Variants in MAD1L1 observed in about 807,000 individuals in gnomAD.
The protein encoded by MAD1L1 is mitotic spindle assembly checkpoint protein MAD1.
Under a neutral mutation model 96.9 loss-of-function variants are expected in MAD1L1, and 95 were observed. The observed-to-expected ratio is 0.98, with a 90% CI of 0.83 to 1.16. MAD1L1 has a LOEUF of 1.16. MAD1L1 is among the 50% of genes most tolerant of loss of function. The pLI is 0.00. For synonymous variants in MAD1L1, 473 were observed against 396.6 expected (o/e 1.19, Z -2.29); for missense variants, 1,007 against 954.4 (o/e 1.06, Z -0.73).
At chr7:2,058,987 C>A (rs1299151588) in intron 12 of MAD1L1, among the ~76,000 whole-genome samples, 3 of 84,548 alleles carry the variant, frequency 3.5e-5, no homozygotes, top group Admixed American at 1.2e-4. Context: ...AGGGGAGAGG[C>A]GCAGGGCTGG....
At chr7:2,227,704 C>G (rs1793974263) in intron 3 of MAD1L1, among the ~76,000 whole-genome samples, 4 of 152,224 alleles carry the variant, frequency 2.6e-5, no homozygotes, top group African/African-American at 9.7e-5. Flanking sequence ...TTCTCAGCTG[C>G]TGCTGTTTGG....
chr7:2,063,717 G>A (rs960563223), intron 12 of MAD1L1, among the ~76,000 whole-genome samples: 16 of 152,210 alleles, frequency 1.1e-4, no homozygotes, highest in South Asian at 2.1e-4. Context: ...CGGTGCCAGC[G>A]AGGCCCTGCC....
At chr7:2,062,079 A>G (rs1784683162) in intron 12 of MAD1L1, among the ~76,000 whole-genome samples, 1 of 151,618 alleles carries the variant, frequency 6.6e-6, no homozygotes, top group South Asian at 2.1e-4. Flanking sequence ...CGTCTCTACA[A>G]AAATACAAAA....
chr7:2,111,251 C>T (rs1787364961), intron 11 of MAD1L1, among the ~76,000 whole-genome samples: 1 of 152,192 alleles, frequency 6.6e-6, no homozygotes, highest in South Asian at 2.1e-4. Context: ...TAGAGGGGCT[C>T]GGGAAGCCAG....
chr7:2,151,211 G>A (rs746786312), intron 10 of MAD1L1, among the ~76,000 whole-genome samples: 3 of 152,334 alleles, frequency 2.0e-5, no homozygotes, highest in Middle Eastern at 6.8e-3. Flanking sequence ...AAAGGGGCTT[G>A]TAAATTTTCA....
rs1044189177 is a variant in MAD1L1 at position 2,219,258 on chromosome 7, C to A, written c.596+74G>T. 2.6e-5 allele frequency: 36 copies of A among 1,390,382 alleles called. No individual in the cohort carries two copies. In the South Asian group the frequency reaches 4.2e-4, roughly 16 times the overall value. The allele number at this position is 1,390,382 out of a possible 1,614,324, so 86.1% of individuals were successfully genotyped here. On this transcript the variant is annotated intron_variant, in intron 6 of 18. Coordinates refer to ENST00000265854, the MANE Select transcript of MAD1L1 (RefSeq NM_001013836.2). ...GGGAGTGTATCCACATCCCACCCAGCCACCAGGAGAGAGGTGGGACGCATG... is the reference window on the plus strand; with the variant it reads ...GGGAGTGTATCCACATCCCACCCAGACACCAGGAGAGAGGTGGGACGCATG...
chr7:2,126,637 A>T (rs1371545678), intron 11 of MAD1L1, among the ~76,000 whole-genome samples: 1 of 152,216 alleles, frequency 6.6e-6, no homozygotes, highest in African/African-American at 2.4e-5. Flanking sequence ...CAGCTCTGAA[A>T]GGCAGTGTGA....
rs192179005 is a variant in MAD1L1 at position 1,923,497 on chromosome 7, C to A, written c.1807+13190G>T. Among the ~76,000 whole-genome samples, 28 of 152,392 alleles carry A rather than the reference C, an allele frequency of 1.8e-4. No individual in the cohort carries two copies. In the East Asian group the frequency reaches 4.8e-3, roughly 26 times the overall value. ...CTTCCGCCCCGGCAGCCGGGCAACC[C>A]CGCGCTCTTCCGCCCCGGCACCCGG... On this transcript the variant is annotated intron_variant, in intron 17 of 18. Transcript: ENST00000265854.
intron 17 of MAD1L1, among the ~76,000 whole-genome samples, chr7:1,914,920 T>C (rs1001091399): frequency 1.3e-5 from 2 of 152,262 alleles, no homozygotes; most frequent in African/African-American, 2.4e-5. Flanking sequence ...CCCTGCTGTG[T>C]TGAGTAACTC....
intron 12 of MAD1L1, among the ~76,000 whole-genome samples, chr7:2,024,822 A>G (rs754113104): frequency 6.6e-6 from 1 of 152,202 alleles, no homozygotes; most frequent in African/African-American, 2.4e-5. Flanking sequence ...ATAACCTCCC[A>G]AAAAGGAAAG....
intron 17 of MAD1L1, among the ~76,000 whole-genome samples, chr7:1,913,742 G>A (rs957947940): frequency 4.6e-5 from 7 of 152,168 alleles, no homozygotes; most frequent in Non-Finnish European, 1.0e-4. Context: ...GCAGCTGGTC[G>A]GGGACACAGC....
At chr7:2,192,019 A>T (rs1791748027) in intron 10 of MAD1L1, among the ~76,000 whole-genome samples, 1 of 151,536 alleles carries the variant, frequency 6.6e-6, no homozygotes, top group Non-Finnish European at 1.5e-5. Context: ...TGACAGAGCG[A>T]GCCTCTGTCT....
chr7:1,888,104 T>C (rs1451374982), intron 18 of MAD1L1, among the ~76,000 whole-genome samples: 3 of 148,590 alleles, frequency 2.0e-5, no homozygotes, highest in Non-Finnish European at 4.5e-5. Flanking sequence ...TTCATGGGGC[T>C]GCCTGTGCCT....
intron 12 of MAD1L1, among the ~76,000 whole-genome samples, chr7:2,063,112 C>T (rs1784733801): frequency 6.6e-6 from 1 of 152,234 alleles, no homozygotes; most frequent in Admixed American, 6.5e-5. Flanking sequence ...CTGTTTCTTA[C>T]ACTGGGACTG....
At chr7:1,852,155 G>A (rs1020414413) in intron 18 of MAD1L1, among the ~76,000 whole-genome samples, 2 of 152,214 alleles carry the variant, frequency 1.3e-5, no homozygotes, top group Non-Finnish European at 2.9e-5. Flanking sequence ...CCCCAGGGAA[G>A]AAAGTGCTTC....
At chr7:1,888,225 CATGCATGTAT>C in intron 18 of MAD1L1, among the ~76,000 whole-genome samples, 1 of 146,932 alleles carries the variant, frequency 6.8e-6, no homozygotes, top group African/African-American at 2.6e-5. Flanking sequence ...TGTGTGCATG[CATGCATGTAT>C]GTGGCTGCCT....
At chr7:2,226,932 A>G (rs1432696317) in intron 3 of MAD1L1, among the ~76,000 whole-genome samples, 1 of 151,870 alleles carries the variant, frequency 6.6e-6, no homozygotes, top group Non-Finnish European at 1.5e-5. Flanking sequence ...GGTTGCAGTG[A>G]GCCAAGATCA....
chr7:1,858,690 T>C (rs1784377517), intron 18 of MAD1L1, among the ~76,000 whole-genome samples: 1 of 152,142 alleles, frequency 6.6e-6, no homozygotes, highest in Non-Finnish European at 1.5e-5. Flanking sequence ...GGGCACATGG[T>C]GGCGAGGACG....
At chr7:2,080,753 A>G (rs1375027249) in intron 11 of MAD1L1, among the ~76,000 whole-genome samples, 20 of 152,206 alleles carry the variant, frequency 1.3e-4, no homozygotes, top group Admixed American at 1.1e-3. Context: ...AGATTTTCCC[A>G]ATGAAGATGC....
Sources: gnomAD v4.1 joint callset for allele counts (sites outside exome capture counted in the v4.1 genomes callset) on GRCh38, gnomAD v4.1.1 for gene constraint, MANE v1.5 for transcripts, NCBI Gene and HGNC (gene_info 2026-07-23, HGNC 2026-07-21) for gene names.